The following CAMK4 variants were observed in gnomAD, a reference collection of about 807,000 sequenced individuals.
The protein encoded by CAMK4 is calcium/calmodulin-dependent protein kinase type IV.
A neutral mutation model predicts 44.9 loss-of-function variants in CAMK4; 22 were observed. The ratio of observed to expected loss-of-function variants is 0.49; its 90% CI spans 0.35 to 0.70. The LOEUF (loss-of-function observed/expected upper bound fraction) is 0.70. Ranked by LOEUF, CAMK4 falls within the 30% of genes least tolerant of loss-of-function variation. CAMK4 has a pLI of 0.01. For synonymous variants in CAMK4, 218 were observed against 215.4 expected, an observed-to-expected ratio of 1.01 and a Z score of -0.11; for missense variants, 498 against 586.8, an observed-to-expected ratio of 0.85 and a Z score of 1.56.
chr5:111,400,379 T>C (rs1437381031), intron 5 of CAMK4, among the ~76,000 whole-genome samples: 1 of 152,188 alleles, frequency 6.6e-6, no homozygotes, highest in Admixed American at 6.5e-5. Context: ...GCTATAAAAA[T>C]TGGGACAGGT....
chr5:111,429,394 A>G (rs1753348933), intron 5 of CAMK4, among the ~76,000 whole-genome samples: 1 of 152,294 alleles, frequency 6.6e-6, no homozygotes, highest in Non-Finnish European at 1.5e-5. Context: ...GAAATGGACA[A>G]GTTCCTAGAT....
chr5:111,273,720 CACACACAT>C (rs1750634129), intron 1 of CAMK4, among the ~76,000 whole-genome samples: 2 of 31,580 alleles, frequency 6.3e-5, no homozygotes, highest in African/African-American at 3.6e-4. Context: ...TATATATATA[CACACACAT>C]ACATACACAC....
At chr5:111,301,512 C>A (rs1254706623) in intron 1 of CAMK4, among the ~76,000 whole-genome samples, 2 of 152,116 alleles carry the variant, frequency 1.3e-5, no homozygotes, top group Non-Finnish European at 2.9e-5. Flanking sequence ...TCTAATGAAT[C>A]CTTCATTGCA....
At chr5:111,274,672 A>G (rs1242708128) in intron 1 of CAMK4, among the ~76,000 whole-genome samples, 1 of 152,212 alleles carries the variant, frequency 6.6e-6, no homozygotes, top group African/African-American at 2.4e-5. Context: ...AGCCCTTCAA[A>G]GAGGTTATAC....
intron 1 of CAMK4, among the ~76,000 whole-genome samples, chr5:111,320,695 G>A (rs541608126): frequency 2.0e-5 from 3 of 152,046 alleles, no homozygotes; most frequent in East Asian, 3.9e-4. Context: ...TAGTAGAGGC[G>A]GGGTTTCACC....
intron 1 of CAMK4, among the ~76,000 whole-genome samples, chr5:111,228,048 C>A (rs1434512925): frequency 6.6e-6 from 1 of 152,172 alleles, no homozygotes; most frequent in Non-Finnish European, 1.5e-5. Flanking sequence ...GGAAATGGCC[C>A]AGCCTGCTTG....
chr5:111,268,219 T>TAGA (rs1750351437), intron 1 of CAMK4, among the ~76,000 whole-genome samples: 1 of 152,216 alleles, frequency 6.6e-6, no homozygotes, highest in South Asian at 2.1e-4. Context: ...ATGGTACTGA[T>TAGA]TTTCTGTTTC....
Position 111,232,334 on chromosome 5 carries a change from G to C in CAMK4, c.161+7690G>C, listed in dbSNP as rs73786832. 8.5e-3 allele frequency among the ~76,000 whole-genome samples: 1,300 copies of C among 152,244 alleles called. 18 individuals carry two copies. Among genetic ancestry groups the C allele is most frequent in the African/African-American group, 0.03 (1,244 of 41,536 alleles). On this transcript the variant is annotated intron_variant, in intron 1 of 10. Transcript: ENST00000282356. The stretch of plus-strand genomic sequence containing the variant: ...ATAGCCATCTTCATGACAGAGTTGT[G>C]ACAGAGAGGACTGGGGTGTCTTTAT...
chr5:111,328,616 C>A (rs906347497), intron 1 of CAMK4, among the ~76,000 whole-genome samples: 1 of 151,992 alleles, frequency 6.6e-6, no homozygotes, highest in African/African-American at 2.4e-5. Context: ...TGGCCATTTT[C>A]ACGATATTGA....
chr5:111,329,596 A>T (rs976412528), intron 1 of CAMK4, among the ~76,000 whole-genome samples: 1 of 151,814 alleles, frequency 6.6e-6, no homozygotes, highest in African/African-American at 2.4e-5. Flanking sequence ...TATAATTATT[A>T]GCAAATAGAA....
At chr5:111,308,160 T>C (rs1748012947) in intron 1 of CAMK4, among the ~76,000 whole-genome samples, 1 of 131,822 alleles carries the variant, frequency 7.6e-6, no homozygotes, top group Admixed American at 7.5e-5. Flanking sequence ...AGATGACACG[T>C]TAGTGGGTGC....
rs1421483278 is a variant in CAMK4 at position 111,493,027 on chromosome 5, A to G, written c.*8561A>G. The G allele has an allele frequency of 6.6e-6, 1 of 152,232 alleles. No individual in the cohort carries two copies. The highest frequency in any genetic ancestry group is 1.5e-5 in the Non-Finnish European group (1 of 68,084). 9.4% of individuals were successfully genotyped at this position (152,232 alleles called of 1,614,324 possible). On this transcript the variant is annotated 3_prime_UTR_variant, in exon 11 of 11. Transcript: ENST00000282356. The surrounding 1 kb of genome is among the most constrained non-coding windows in gnomAD (Gnocchi z 4.1). Reference sequence around the variant, plus strand: ...GAGAACCGGCCTGATCATAGAGTGGAAAAATGAAAGGCAGAGGTGAAGGAA... The same window carrying G: ...GAGAACCGGCCTGATCATAGAGTGGGAAAATGAAAGGCAGAGGTGAAGGAA...
chr5:111,228,500 A>G (rs1302941071), intron 1 of CAMK4, among the ~76,000 whole-genome samples: 1 of 129,822 alleles, frequency 7.7e-6, no homozygotes, highest in East Asian at 2.2e-4. Context: ...ATAGATTTCC[A>G]TAGTAAGGGG....
chr5:111,268,292 A>C (rs577517682), intron 1 of CAMK4, among the ~76,000 whole-genome samples: 47 of 152,198 alleles, frequency 3.1e-4, no homozygotes, highest in Non-Finnish European at 6.0e-4. Context: ...CATAATTCTT[A>C]TTCAAATAAG....
chr5:111,329,053 GGTT>G (rs1280784807), intron 1 of CAMK4, among the ~76,000 whole-genome samples: 1 of 151,810 alleles, frequency 6.6e-6, no homozygotes, highest in Non-Finnish European at 1.5e-5. Flanking sequence ...TTCATCCCTG[GGTT>G]GCAAGGCTGG....
intron 1 of CAMK4, among the ~76,000 whole-genome samples, chr5:111,288,492 A>T (rs1310630394): frequency 1.3e-5 from 2 of 152,186 alleles, no homozygotes; most frequent in Non-Finnish European, 2.9e-5. Context: ...ACATTGCCTG[A>T]CATTTTAATT....
chr5:111,494,498 G>T lies in CAMK4; in HGVS notation c.*10032G>T, dbSNP rs1755992741. 6.6e-6 allele frequency: 1 copy of T among 152,198 alleles called. No individual in the cohort carries two copies. The highest frequency in any genetic ancestry group is 1.5e-5 in the Non-Finnish European group (1 of 68,012). 9.4% of individuals were successfully genotyped at this position (152,198 alleles called of 1,614,324 possible). ...AGAGCTACAGTATTCTTCAATGGTGGTGACTGACCAGTGAGTTTCTACTTC... is the reference window on the plus strand; with the variant it reads ...AGAGCTACAGTATTCTTCAATGGTGTTGACTGACCAGTGAGTTTCTACTTC... On this transcript the variant is annotated 3_prime_UTR_variant, in exon 11 of 11. Transcript: ENST00000282356.
intron 4 of CAMK4, among the ~76,000 whole-genome samples, chr5:111,378,556 A>G (rs998041502): frequency 5.3e-5 from 8 of 152,176 alleles, no homozygotes; most frequent in African/African-American, 1.9e-4. Flanking sequence ...TGTAACAGAT[A>G]CACATCTGAA....
At chr5:111,457,047 A>G (rs1314245336) in intron 7 of CAMK4, among the ~76,000 whole-genome samples, 1 of 152,128 alleles carries the variant, frequency 6.6e-6, no homozygotes, top group African/African-American at 2.4e-5. Context: ...TTATTTATGG[A>G]GGTCAATGAG....
Sources: gnomAD v4.1 joint callset for allele counts (sites outside exome capture counted in the v4.1 genomes callset) on GRCh38, gnomAD v4.1.1 for gene constraint, Gnocchi (gnomAD v3.1) non-coding constraint, MANE v1.5 for transcripts, NCBI Gene and HGNC (gene_info 2026-07-23, HGNC 2026-07-21) for gene names.